Variants in MOB1B observed in about 807,000 individuals in gnomAD.
MOB1B encodes the protein MOB1 Mps One Binder homolog B.
Under a neutral mutation model 24.4 loss-of-function variants are expected in MOB1B, and 19 were observed. That is an observed-to-expected ratio of 0.78 (90% CI 0.54 to 1.14). The LOEUF (loss-of-function observed/expected upper bound fraction) is 1.14, where lower values mean the gene tolerates loss of function less well. Ranked by LOEUF, MOB1B falls within the 50% of genes most tolerant of loss-of-function variation. The pLI is 0.00. For synonymous variants in MOB1B, 76 were observed against 82.1 expected (o/e 0.93, Z 0.40); for missense variants, 243 against 259.6 (o/e 0.94, Z 0.44).
At chr4:70,934,644 C>T (rs1410369598) in intron 1 of MOB1B, among the ~76,000 whole-genome samples, 3 of 147,584 alleles carry the variant, frequency 2.0e-5, no homozygotes, top group South Asian at 4.3e-4. Context: ...TTAATAGAGA[C>T]AGGGTTTCAC....
At position 70,983,880 on chromosome 4, in the gene MOB1B, C is replaced by A. The variant is rs558927197; in HGVS notation, c.*1823C>A. The A allele has an allele frequency of 1.2e-4, 19 of 152,648 alleles. No individual in the cohort carries two copies. Among genetic ancestry groups the A allele is most frequent in the African/African-American group, 4.6e-4 (19 of 41,558 alleles). 9.5% of individuals were successfully genotyped at this position (152,648 alleles called of 1,614,324 possible). A position where few individuals can be genotyped will look rare whatever the true frequency, so the allele number is the denominator to read the frequency against. On this transcript the variant is annotated 3_prime_UTR_variant, in exon 6 of 6. Transcript: ENST00000309395. ...GCTTATTTATAAACTGCAGTCAGAG[C>A]TAGTTAATTTCCTTAAATCTTTTTG...
At chr4:70,917,190 T>G (rs1736228751) in intron 1 of MOB1B, among the ~76,000 whole-genome samples, 1 of 152,192 alleles carries the variant, frequency 6.6e-6, no homozygotes, top group Admixed American at 6.5e-5. Context: ...CAGTGTTTTG[T>G]TTTTGACTGA....
intron 1 of MOB1B, among the ~76,000 whole-genome samples, chr4:70,927,761 A>G (rs1338485460): frequency 2.0e-5 from 3 of 152,192 alleles, no homozygotes; most frequent in East Asian, 3.9e-4. Context: ...AGTGGTAGGA[A>G]TCCTTCGGTG....
intron 2 of MOB1B, among the ~76,000 whole-genome samples, chr4:70,967,051 A>T (rs991493942): frequency 1.3e-5 from 2 of 152,186 alleles, no homozygotes; most frequent in African/African-American, 4.8e-5. Flanking sequence ...CAGAATAGCT[A>T]TAACATTATA....
At chr4:70,939,448 C>T (rs1737238912) in intron 1 of MOB1B, among the ~76,000 whole-genome samples, 1 of 152,160 alleles carries the variant, frequency 6.6e-6, no homozygotes, top group Non-Finnish European at 1.5e-5. Context: ...AATCACAGGC[C>T]AAGGTGGGCG....
chr4:70,934,498 G>A (rs1737007079), intron 1 of MOB1B, among the ~76,000 whole-genome samples: 2 of 151,830 alleles, frequency 1.3e-5, no homozygotes, highest in Admixed American at 6.6e-5. Context: ...TGTCACTCCA[G>A]GCTGGAGTGC....
At chr4:70,941,498 C>T (rs538489208) in intron 1 of MOB1B, among the ~76,000 whole-genome samples, 71 of 152,144 alleles carry the variant, frequency 4.7e-4, no homozygotes, top group African/African-American at 1.5e-3. Flanking sequence ...CCCGTTACCA[C>T]GCCCGCCTAA....
chr4:70,932,925 T>C (rs1736936006), intron 1 of MOB1B, among the ~76,000 whole-genome samples: 1 of 152,222 alleles, frequency 6.6e-6, no homozygotes. Context: ...ATCTATAGTA[T>C]ACTGTAAGAA....
intron 1 of MOB1B, among the ~76,000 whole-genome samples, chr4:70,913,939 G>A (rs1286405425): frequency 6.7e-6 from 1 of 149,272 alleles, no homozygotes; most frequent in Admixed American, 6.7e-5. Context: ...TAATACCAAT[G>A]TGTGCTGTGA....
At chr4:70,955,708 T>C (rs1413278130) in intron 1 of MOB1B, among the ~76,000 whole-genome samples, 1 of 151,788 alleles carries the variant, frequency 6.6e-6, no homozygotes, top group Non-Finnish European at 1.5e-5. Context: ...CAACCTCAGG[T>C]GATCCACCTG....
At chr4:70,906,941 A>G (rs906688747) in intron 1 of MOB1B, among the ~76,000 whole-genome samples, 1 of 152,186 alleles carries the variant, frequency 6.6e-6, no homozygotes. Context: ...TGGGGGCCCA[A>G]AGTATGTGTA....
intron 1 of MOB1B, among the ~76,000 whole-genome samples, chr4:70,919,451 A>C (rs1736335517): frequency 6.6e-6 from 1 of 152,202 alleles, no homozygotes; most frequent in East Asian, 1.9e-4. Flanking sequence ...TTACCAAAAA[A>C]ACCTCACATT....
chr4:70,957,198 C>T (rs1268075330), intron 1 of MOB1B, among the ~76,000 whole-genome samples: 1 of 139,504 alleles, frequency 7.2e-6, no homozygotes, highest in African/African-American at 2.7e-5. Flanking sequence ...AGTTTTCCCA[C>T]TTCTCGAGCT....
At chr4:70,937,146 G>A (rs1193802450) in intron 1 of MOB1B, among the ~76,000 whole-genome samples, 1 of 152,104 alleles carries the variant, frequency 6.6e-6, no homozygotes, top group East Asian at 1.9e-4. Context: ...TCAAACTCCT[G>A]TCTTCAGATG....
chr4:70,926,650 G>T (rs1392965751), intron 1 of MOB1B, among the ~76,000 whole-genome samples: 1 of 152,178 alleles, frequency 6.6e-6, no homozygotes, highest in Non-Finnish European at 1.5e-5. Context: ...AACACCTCCT[G>T]TGTGTAAAAG....
rs573754894 is a variant in MOB1B, at chr4:70,918,226, A to C, written c.14+15676A>C. 2.6e-5 allele frequency among the ~76,000 whole-genome samples: 4 copies of C among 152,236 alleles called. No homozygotes were observed. The East Asian group carries it at 7.7e-4, about 29-fold the overall frequency. Reference sequence around the variant, plus strand: ...AGACAATTTTGGGATGGCTGGGTCAAATGGTATTTCTAGTTCTAGATCCCT... The same window carrying C: ...AGACAATTTTGGGATGGCTGGGTCACATGGTATTTCTAGTTCTAGATCCCT... On this transcript the variant is annotated intron_variant, in intron 1 of 5. Coordinates refer to ENST00000309395, the MANE Select transcript of MOB1B (RefSeq NM_173468.4).
chr4:70,904,945 A>G (rs1735677762), intron 1 of MOB1B, among the ~76,000 whole-genome samples: 1 of 152,210 alleles, frequency 6.6e-6, no homozygotes. Flanking sequence ...TAGTAACTAC[A>G]AAAGAAATCT....
chr4:70,903,974 C>CTTTTTTTTTTT (rs754257097), intron 1 of MOB1B, among the ~76,000 whole-genome samples: 10 of 81,018 alleles, frequency 1.2e-4, no homozygotes, highest in Admixed American at 2.1e-4. Context: ...TATTTTAGTT[C>CTTTTTTTTTTT]TTTTTTTTTT....
intron 1 of MOB1B, among the ~76,000 whole-genome samples, chr4:70,936,717 C>T (rs10016211): frequency 0.02 from 3,090 of 152,148 alleles, 92 homozygotes; most frequent in African/African-American, 0.069. Context: ...GTGAGGCAGA[C>T]CTTCTAAAAC....
Sources: allele counts gnomAD v4.1 joint callset (sites outside exome capture counted in the v4.1 genomes callset), GRCh38; gene constraint gnomAD v4.1.1; transcripts MANE v1.5; gene names NCBI Gene and HGNC (gene_info 2026-07-23, HGNC 2026-07-21).